Variants in TET2 observed in about 807,000 individuals in gnomAD.
TET2 encodes the protein methylcytosine dioxygenase TET2.
In TET2, 299 loss-of-function variants were observed where a neutral mutation model predicts 142.9. The ratio of observed to expected loss-of-function variants is 2.09; its 90% CI spans 1.90 to 2.30. The LOEUF is 2.30. Ranked by LOEUF, TET2 falls within the 30% of genes most tolerant of loss-of-function variation. The probability of loss-of-function intolerance (pLI) is 0.00; values close to 1 mark genes in which losing one functional copy is unlikely to be tolerated. For missense variants in TET2, 2,418 were observed against 2,378.0 expected (o/e 1.02, Z -0.35); for synonymous variants, 819 against 849.0 (o/e 0.96, Z 0.61).
intron 1 of TET2, among the ~76,000 whole-genome samples, chr4:105,174,386 A>G (rs1460724779): frequency 6.6e-6 from 1 of 152,220 alleles, no homozygotes; most frequent in African/African-American, 2.4e-5. Context: ...AAAGTAAAAA[A>G]CAAAACAAAA....
intron 6 of TET2, among the ~76,000 whole-genome samples, chr4:105,252,101 A>G (rs1037636436): frequency 1.8e-4 from 27 of 152,320 alleles, no homozygotes; most frequent in Admixed American, 5.2e-4. Flanking sequence ...GTCTGGATCC[A>G]TGTTTAATGA....
chr4:105,152,977 T>C (rs1245399650), intron 1 of TET2, among the ~76,000 whole-genome samples: 6 of 152,146 alleles, frequency 3.9e-5, no homozygotes, highest in Admixed American at 3.9e-4. Context: ...ATGGTGTGTT[T>C]TCCTTACATT....
At chr4:105,273,700 A>G (rs1029183431) in intron 10 of TET2, among the ~76,000 whole-genome samples, 2 of 152,178 alleles carry the variant, frequency 1.3e-5, no homozygotes, top group African/African-American at 2.4e-5. Flanking sequence ...AAGTTTGAAA[A>G]TATGATTGAG....
chr4:105,212,018 G>C (rs909535769), intron 2 of TET2, among the ~76,000 whole-genome samples: 70 of 152,308 alleles, frequency 4.6e-4, no homozygotes, highest in Non-Finnish European at 2.8e-4. Context: ...TGCCAATGTA[G>C]GAATGAGGCG....
At chr4:105,226,803 C>A (rs1451674525) in intron 2 of TET2, among the ~76,000 whole-genome samples, 1 of 152,124 alleles carries the variant, frequency 6.6e-6, no homozygotes, top group Non-Finnish European at 1.5e-5. Flanking sequence ...CCAATTAAAC[C>A]TATTTTCTTA....
intron 1 of TET2, among the ~76,000 whole-genome samples, chr4:105,173,135 G>T (rs1279649758): frequency 6.6e-6 from 1 of 151,998 alleles, no homozygotes; most frequent in Non-Finnish European, 1.5e-5. Flanking sequence ...CCAACACAAA[G>T]GATAAAAAGT....
chr4:105,260,588 T>G (rs922553413), intron 7 of TET2, among the ~76,000 whole-genome samples: 1 of 152,128 alleles, frequency 6.6e-6, no homozygotes, highest in African/African-American at 2.4e-5. Context: ...CTTACAATTA[T>G]CTTTTGAATT....
chr4:105,149,429 G>GA (rs1723195168), intron 1 of TET2, among the ~76,000 whole-genome samples: 1 of 152,190 alleles, frequency 6.6e-6, no homozygotes, highest in South Asian at 2.1e-4. Context: ...ATAAGGAAGA[G>GA]ATGTGTATGT....
At position 105,275,694 on chromosome 4, in the gene TET2, G is replaced by C. The variant is rs755033718; in HGVS notation, c.5184G>C (p.Glu1728Asp). Reference protein sequence around the residue: ...VGKLPPYPTHEMDGHFMGATS... With the variant: ...VGKLPPYPTHDMDGHFMGATS... ...AATTGCCTCCTTATCCCACTCATGA[G>C]ATGGATGGCCACTTCATGGGAGCCA... Residue 1728 changes from glutamate (E) to aspartate (D), a missense_variant, in exon 11 of 11, where the codon GAG becomes GAC. Physicochemically the swap from Glu to Asp is conservative, Grantham distance 45 (BLOSUM62 2). Coordinates refer to ENST00000380013, the MANE Select transcript of TET2 (RefSeq NM_001127208.3). 1 of 1,551,696 alleles carries C rather than the reference G, an allele frequency of 6.4e-7. No homozygotes were observed. The highest frequency in any genetic ancestry group is 8.7e-7 in the Non-Finnish European group (1 of 1,146,998).
At position 105,159,200 on chromosome 4, in the gene TET2, G is replaced by C. The variant is rs180679133; in HGVS notation, c.-193+12221G>C. 1.5e-4 allele frequency among the ~76,000 whole-genome samples: 23 copies of C among 151,852 alleles called. No homozygotes were observed. In the East Asian group the frequency reaches 4.1e-3, roughly 27 times the overall value. On this transcript the variant is annotated intron_variant, in intron 1 of 10. Coordinates refer to ENST00000380013, the MANE Select transcript of TET2 (RefSeq NM_001127208.3). Reference sequence around the variant, plus strand: ...CCTAACGCATGGTTTTCCTACCAAAGCCTCAAAAGCTGTGCCTAAATACAA... The same window carrying C: ...CCTAACGCATGGTTTTCCTACCAAACCCTCAAAAGCTGTGCCTAAATACAA...
At chr4:105,154,821 T>C (rs1216028670) in intron 1 of TET2, among the ~76,000 whole-genome samples, 1 of 152,062 alleles carries the variant, frequency 6.6e-6, no homozygotes, top group Non-Finnish European at 1.5e-5. Flanking sequence ...GCTCAGGAGT[T>C]GGAGACAAGC....
At chr4:105,173,257 C>T (rs115794885) in intron 1 of TET2, among the ~76,000 whole-genome samples, 6,150 of 151,768 alleles carry the variant, frequency 0.041, 169 homozygotes, top group Non-Finnish European at 0.054. Context: ...TGGTGGCTCA[C>T]GCCTGTGATC....
rs768117415 is a variant in TET2, at chr4:105,235,982, A to T, written c.2040A>T (p.Arg680Ser). The change falls in exon 3 of 11, where the codon AGA (arginine) becomes AGT (serine). Residue 680 changes from arginine to serine, a missense_variant. Transcript: ENST00000380013. The part of the protein sequence containing the change: ...KAHVQSLCGT[R>S]FHFQQRADSQ... ...ATGTGCAGTCACTGTGTGGCACTAGATTTCATTTTCAACAAAGAGCAGATT... is the reference window on the plus strand; with the variant it reads ...ATGTGCAGTCACTGTGTGGCACTAGTTTTCATTTTCAACAAAGAGCAGATT... 5.6e-6 allele frequency: 9 copies of T among 1,614,024 alleles called. No homozygotes were observed. Among genetic ancestry groups the T allele is most frequent in the East Asian group, 2.2e-5 (1 of 44,886 alleles).
At chr4:105,263,173 G>A (rs1305284168) in intron 8 of TET2, among the ~76,000 whole-genome samples, 1 of 152,106 alleles carries the variant, frequency 6.6e-6, no homozygotes, top group East Asian at 1.9e-4. Flanking sequence ...AAACCCAAAA[G>A]TAGACTAGAT....
intron 6 of TET2, among the ~76,000 whole-genome samples, chr4:105,249,114 GT>G (rs1192127937): frequency 6.7e-6 from 1 of 149,108 alleles, no homozygotes; most frequent in Non-Finnish European, 1.5e-5. Flanking sequence ...TGCAACCTCT[GT>G]CTCCCGGGTT....
At chr4:105,229,040 G>GATTT (rs1359181038) in intron 2 of TET2, among the ~76,000 whole-genome samples, 1 of 152,116 alleles carries the variant, frequency 6.6e-6, no homozygotes, top group Non-Finnish European at 1.5e-5. Context: ...TGATACGTTT[G>GATTT]ATTTAACCCA....
chr4:105,214,497 A>G, intron 2 of TET2, among the ~76,000 whole-genome samples: 1 of 67,074 alleles, frequency 1.5e-5, no homozygotes, highest in East Asian at 4.3e-4. Context: ...TTTTTTTTGT[A>G]GAGAGGTTTC....
chr4:105,192,723 C>T (rs909193802), intron 2 of TET2, among the ~76,000 whole-genome samples: 5 of 151,948 alleles, frequency 3.3e-5, no homozygotes, highest in Non-Finnish European at 7.4e-5. Context: ...AGCTTAGAAT[C>T]CATTAGAGTA....
At chr4:105,201,088 C>T (rs755503943) in intron 2 of TET2, among the ~76,000 whole-genome samples, 14 of 152,194 alleles carry the variant, frequency 9.2e-5, no homozygotes, top group Non-Finnish European at 1.9e-4. Flanking sequence ...GATAATACCA[C>T]GGTTGAAATC....
Sources: gnomAD v4.1 joint callset for allele counts (sites outside exome capture counted in the v4.1 genomes callset) on GRCh38, gnomAD v4.1.1 for gene constraint, MANE v1.5 for transcripts, NCBI Gene and HGNC (gene_info 2026-07-23, HGNC 2026-07-21) for gene names.